Variants in LRCH3 observed in about 807,000 individuals in gnomAD.
LRCH3 encodes leucine rich repeats and calponin homology domain containing 3, also known as DISP complex protein LRCH3.
A neutral mutation model predicts 104.5 loss-of-function variants in LRCH3; 68 were observed. That is an observed-to-expected ratio of 0.65 (90% CI 0.54 to 0.80). LRCH3 has a LOEUF of 0.80. Among genes scored for constraint, LRCH3 ranks in the 30% least tolerant of loss-of-function variants. The pLI is 0.00. For missense variants in LRCH3, 951 were observed against 953.9 expected (o/e 1.00, Z 0.04); for synonymous variants, 344 against 361.3 (o/e 0.95, Z 0.54).
intron 10 of LRCH3, among the ~76,000 whole-genome samples, chr3:197,846,401 CAAAAAAA>C (rs869092632): frequency 6.5e-5 from 8 of 122,550 alleles, no homozygotes; most frequent in African/African-American, 2.5e-4. Context: ...AAAAAAAAAA[CAAAAAAA>C]AAACGGCTGG....
chr3:197,876,137 C>CTTT (rs2109549545), intron 20 of LRCH3: 1 of 157,684 alleles, frequency 6.3e-6, no homozygotes, highest in Admixed American at 6.5e-5. Context: ...TGCTTTGATA[C>CTTT]TTTTTAAAAT....
intron 4 of LRCH3, among the ~76,000 whole-genome samples, chr3:197,824,361 C>CTTT (rs35034702): frequency 4.4e-5 from 6 of 137,842 alleles, no homozygotes; most frequent in Non-Finnish European, 4.6e-5. Context: ...CCACGCCCGG[C>CTTT]TTTTTTTTTT....
At chr3:197,839,956 A>T (rs1416795745) in intron 10 of LRCH3, among the ~76,000 whole-genome samples, 2 of 150,784 alleles carry the variant, frequency 1.3e-5, no homozygotes, top group Non-Finnish European at 2.9e-5. Context: ...TGGGCAACAG[A>T]GTGAGACCCT....
rs57872413 is a variant in LRCH3 at position 197,880,901 on chromosome 3, C to T, written c.2209-2640C>T. 11,094 of 1,427,258 alleles carry T rather than the reference C, an allele frequency of 7.8e-3. 697 individuals are homozygous for T. In the African/African-American group the frequency reaches 0.14, roughly 18 times the overall value. The allele number at this position is 1,427,258 out of a possible 1,614,324, so 88.4% of individuals were successfully genotyped here. On this transcript the variant is annotated intron_variant, in intron 20 of 20. Transcript: ENST00000425562. ...ACCCCCTCACATTAGTAAACATTTACGATTGCTAACAAAGAGTAAAAGACC... is the reference window on the plus strand; with the variant it reads ...ACCCCCTCACATTAGTAAACATTTATGATTGCTAACAAAGAGTAAAAGACC...
At chr3:197,876,233 C>T (rs1712871020) in intron 20 of LRCH3, 1 of 152,456 alleles carries the variant, frequency 6.6e-6, no homozygotes, top group East Asian at 1.9e-4. Flanking sequence ...TAACTAACGT[C>T]TAATACAAAC....
At chr3:197,797,893 A>AAAAAAAAAAAAAAAC (rs376623079) in intron 1 of LRCH3, among the ~76,000 whole-genome samples, 1 of 146,752 alleles carries the variant, frequency 6.8e-6, no homozygotes, top group African/African-American at 2.6e-5. Context: ...CAAAAAAAAA[A>AAAAAAAAAAAAAAAC]ACAAAACCAG....
chr3:197,882,863 C>T (rs374963954), intron 20 of LRCH3: 2 of 985,172 alleles, frequency 2.0e-6, no homozygotes. Context: ...CTGTTAAATA[C>T]CAGGATATTA....
chr3:197,883,070 AGGC>A lies in LRCH3; in HGVS notation c.2209-470_2209-468del. ...AATGCAGATAGCGTAGAACTCATGCAGGCTGAGTTATGTTTTCAAACTATCTTT... is the reference window on the plus strand; with the variant it reads ...AATGCAGATAGCGTAGAACTCATGCATGAGTTATGTTTTCAAACTATCTTT... On this transcript the variant is annotated intron_variant, in intron 20 of 20. Transcript: ENST00000425562. The surrounding 1 kb of genome is among the most constrained non-coding windows in gnomAD (Gnocchi z 4.2). 1 of 986,018 alleles carries A rather than the reference AGGC, an allele frequency of 1.0e-6. No homozygotes were observed. Among genetic ancestry groups the A allele is most frequent in the Non-Finnish European group, 1.2e-6 (1 of 830,356 alleles). 61.1% of individuals were successfully genotyped at this position (986,018 alleles called of 1,614,324 possible).
At chr3:197,882,413 A>G in intron 20 of LRCH3, 1 of 973,690 alleles carries the variant, frequency 1.0e-6, no homozygotes, top group African/African-American at 1.8e-5. Flanking sequence ...AGTATTAAAT[A>G]AAAAGTAAGC....
rs777777059 is a variant in LRCH3, at chr3:197,854,379, T to TC, written c.1591-11dup. The TC allele has an allele frequency of 6.2e-7, 1 of 1,613,330 alleles. No individual in the cohort carries two copies. The highest frequency in any genetic ancestry group is 1.3e-5 in the African/African-American group (1 of 74,940). On this transcript the variant is annotated splice_polypyrimidine_tract_variant and intron_variant, in intron 13 of 20. Transcript: ENST00000425562. This position sits in a 1 kb window ranked among gnomAD's most constrained non-coding sequence, Gnocchi z 4.5. ...TGTTTCTGACATGGCTTCATTTTTC[T>TC]CCATCTCTCCAGTGCCCCTTCCCAT...
rs1454731207 is a variant in LRCH3 at position 197,885,014 on chromosome 3, CTA to C, written c.*1350_*1351del. On this transcript the variant is annotated 3_prime_UTR_variant, in exon 21 of 21. Transcript: ENST00000425562. ...AGTCATACCATCATAGAAGATAGTTCTATGTCATCCTGTTATCTGGACATTAT... is the reference window on the plus strand; with the variant it reads ...AGTCATACCATCATAGAAGATAGTTCTGTCATCCTGTTATCTGGACATTAT... The C allele has an allele frequency of 6.6e-6, 1 of 152,238 alleles. No homozygotes were observed. The highest frequency in any genetic ancestry group is 1.5e-5 in the Non-Finnish European group (1 of 68,070). The allele number at this position is 152,238 out of a possible 1,614,324, so 9.4% of individuals were successfully genotyped here.
At chr3:197,811,018 A>G (rs1026746604) in intron 1 of LRCH3, among the ~76,000 whole-genome samples, 3 of 152,168 alleles carry the variant, frequency 2.0e-5, no homozygotes, top group Non-Finnish European at 2.9e-5. Context: ...AAGGTGGTTG[A>G]AAACGAAAAG....
Position 197,886,866 on chromosome 3 carries a change from G to A in LRCH3, c.*3200G>A, listed in dbSNP as rs929727534. ...ATATACTATGCAAGGAATAATTCTA[G>A]AAGACATTACATAATGCAATACTTG... On this transcript the variant is annotated 3_prime_UTR_variant, in exon 21 of 21. Transcript: ENST00000425562. 1.4e-5 allele frequency: 2 copies of A among 147,414 alleles called. No homozygotes were observed. The highest frequency in any genetic ancestry group is 3.0e-5 in the Non-Finnish European group (2 of 67,192). The allele number at this position is 147,414 out of a possible 1,614,324, so 9.1% of individuals were successfully genotyped here.
At chr3:197,844,474 C>G (rs909246899) in intron 10 of LRCH3, among the ~76,000 whole-genome samples, 1 of 152,034 alleles carries the variant, frequency 6.6e-6, no homozygotes, top group Admixed American at 6.6e-5. Context: ...TCATAAGCAG[C>G]CTTGATCTCC....
intron 2 of LRCH3, among the ~76,000 whole-genome samples, chr3:197,816,704 C>T (rs181356563): frequency 5.4e-4 from 82 of 152,144 alleles, no homozygotes; most frequent in Middle Eastern, 6.8e-3. Flanking sequence ...TTTTTTTCCA[C>T]AGAGCTACAT....
chr3:197,825,670 G>A (rs761347170), intron 4 of LRCH3, among the ~76,000 whole-genome samples: 2 of 150,974 alleles, frequency 1.3e-5, no homozygotes, highest in African/African-American at 2.4e-5. Flanking sequence ...TAGTAGAGAC[G>A]GGGTCTCACC....
Position 197,883,343 on chromosome 3 carries a change from G to T in LRCH3, c.2209-198G>T. On this transcript the variant is annotated intron_variant, in intron 20 of 20. Coordinates refer to ENST00000425562, the MANE Select transcript of LRCH3 (RefSeq NM_001365715.1). The surrounding 1 kb of genome is among the most constrained non-coding windows in gnomAD (Gnocchi z 4.2). ...AAATGATCTGTATGTACTTTTAGTT[G>T]TATTAATAAAGTGACAGTGAGTGTC... is the stretch of plus-strand genomic sequence containing the variant. 3 of 1,377,104 alleles carry T rather than the reference G, an allele frequency of 2.2e-6. No individual in the cohort carries two copies. Among genetic ancestry groups the T allele is most frequent in the Non-Finnish European group, 2.8e-6 (3 of 1,066,354 alleles). 85.3% of individuals were successfully genotyped at this position (1,377,104 alleles called of 1,614,324 possible).
At chr3:197,863,626 T>C (rs1741134486) in intron 15 of LRCH3, among the ~76,000 whole-genome samples, 1 of 152,194 alleles carries the variant, frequency 6.6e-6, no homozygotes, top group African/African-American at 2.4e-5. Context: ...TCAACCTACA[T>C]TTCTTTGTAA....
At chr3:197,865,540 A>G (rs931732169) in intron 16 of LRCH3, 69 bp downstream of exon 16, 14 of 1,051,554 alleles carry the variant, frequency 1.3e-5, no homozygotes, top group East Asian at 6.2e-5. Flanking sequence ...TTAAAAAATA[A>G]TAATAAATAG....
Sources: gnomAD v4.1 joint callset for allele counts (sites outside exome capture counted in the v4.1 genomes callset) on GRCh38, gnomAD v4.1.1 for gene constraint, Gnocchi (gnomAD v3.1) non-coding constraint, MANE v1.5 for transcripts, NCBI Gene and HGNC (gene_info 2026-07-23, HGNC 2026-07-21) for gene names.